CFAP96: variants seen among roughly 807,000 people sequenced by gnomAD.
CFAP96 encodes the protein cilia and flagella associated protein 96.
At chr4:185,445,263 C>A in the CFAP96 span, 1 of 827,008 alleles carries the variant, frequency 1.2e-6, no homozygotes, top group South Asian at 2.0e-5. Flanking sequence ...GACATCTCAG[C>A]TCCTTCCATG....
At chr4:185,424,727 T>C in the CFAP96 span, among the ~76,000 whole-genome samples, 7 of 152,214 alleles carry the variant, frequency 4.6e-5, no homozygotes, top group Non-Finnish European at 1.0e-4. Flanking sequence ...ATACTGAAGA[T>C]AAAAGTTAGA....
chr4:185,420,330 ACATT>A, the CFAP96 span, among the ~76,000 whole-genome samples: 1 of 152,212 alleles, frequency 6.6e-6, no homozygotes. Flanking sequence ...AATATTTGAC[ACATT>A]CAATTTGGAA....
the CFAP96 span, among the ~76,000 whole-genome samples, chr4:185,419,898 G>T: frequency 6.6e-6 from 1 of 152,172 alleles, no homozygotes; most frequent in African/African-American, 2.4e-5. Flanking sequence ...GTTTCTGTGT[G>T]GATGTGTTTT....
chr4:185,417,969 G>C, the CFAP96 span, among the ~76,000 whole-genome samples: 1 of 151,514 alleles, frequency 6.6e-6, no homozygotes, highest in Non-Finnish European at 1.5e-5. Flanking sequence ...ACTTGAACCC[G>C]GGAGGCGGAA....
At chr4:185,415,238 A>C in the CFAP96 span, 1 of 1,604,672 alleles carries the variant, frequency 6.2e-7, no homozygotes, top group Non-Finnish European at 8.5e-7. Context: ...GGTAATAAAA[A>C]GTGCAGTGGT....
the CFAP96 span, chr4:185,445,184 T>C: frequency 4.3e-6 from 6 of 1,386,790 alleles, no homozygotes; most frequent in Middle Eastern, 3.6e-4. Flanking sequence ...TTTCCAACTT[T>C]TATACTTCTT....
chr4:185,409,535 A>G, the CFAP96 span, among the ~76,000 whole-genome samples: 1 of 152,248 alleles, frequency 6.6e-6, no homozygotes, highest in African/African-American at 2.4e-5. Flanking sequence ...GGAGATAGGG[A>G]CAAGATAGAA....
chr4:185,436,364 A>G, the CFAP96 span: 44 of 1,534,176 alleles, frequency 2.9e-5, no homozygotes, highest in Admixed American at 5.9e-5. Context: ...TATAAGGTAA[A>G]AAATCTGTTT....
At chr4:185,433,683 C>T in the CFAP96 span, among the ~76,000 whole-genome samples, 5 of 152,200 alleles carry the variant, frequency 3.3e-5, no homozygotes, top group African/African-American at 9.6e-5. Flanking sequence ...GGGCGGATCA[C>T]CTGAGGTCAG....
At chr4:185,409,204 T>G in the CFAP96 span, among the ~76,000 whole-genome samples, 1 of 152,138 alleles carries the variant, frequency 6.6e-6, no homozygotes. Flanking sequence ...GTGTCTAAAT[T>G]TATAAACCTG....
the CFAP96 span, among the ~76,000 whole-genome samples, chr4:185,422,791 T>TGTTCTATAC: frequency 4.6e-5 from 7 of 152,334 alleles, no homozygotes; most frequent in East Asian, 7.7e-4. Context: ...CCTGGGGAGC[T>TGTTCTATAC]TGAAATACTG....
At chr4:185,408,459 TA>T in the CFAP96 span, 1 of 1,604,576 alleles carries the variant, frequency 6.2e-7, no homozygotes, top group Non-Finnish European at 8.5e-7. Flanking sequence ...AGAAACACAG[TA>T]AAATATTAAC....
chr4:185,413,401 A>C, the CFAP96 span, among the ~76,000 whole-genome samples: 6 of 152,088 alleles, frequency 3.9e-5, no homozygotes, highest in Non-Finnish European at 5.9e-5. Context: ...AAAACAAAAA[A>C]AGATTTATCC....
At chr4:185,421,745 C>A in the CFAP96 span, among the ~76,000 whole-genome samples, 2 of 152,134 alleles carry the variant, frequency 1.3e-5, no homozygotes, top group African/African-American at 4.8e-5. Flanking sequence ...CTTTTAATTC[C>A]TGATCTTTCT....
At chr4:185,417,630 C>T in the CFAP96 span, among the ~76,000 whole-genome samples, 1 of 152,226 alleles carries the variant, frequency 6.6e-6, no homozygotes, top group Non-Finnish European at 1.5e-5. Context: ...AGCCTGGAAA[C>T]ACTGTCGTCA....
chr4:185,425,876 A>ACACGGCAGC, the CFAP96 span: 1 of 1,602,754 alleles, frequency 6.2e-7, no homozygotes, highest in South Asian at 1.1e-5. Context: ...CATGTCCGCG[A>ACACGGCAGC]CGTGGCGGTG....
At chr4:185,408,535 T>C in the CFAP96 span, 1 of 1,235,308 alleles carries the variant, frequency 8.1e-7, no homozygotes, top group Non-Finnish European at 1.1e-6. Flanking sequence ...AGAGTTAGAC[T>C]GTTACTTTAG....
At chr4:185,437,683 A>G in the CFAP96 span, among the ~76,000 whole-genome samples, 1 of 152,320 alleles carries the variant, frequency 6.6e-6, no homozygotes, top group Admixed American at 6.5e-5. Flanking sequence ...TACATACTAC[A>G]TAACTACATA....
At chr4:185,426,879 CAAAAAAAAAAAAAAAAAAAAAAAA>C in the CFAP96 span, among the ~76,000 whole-genome samples, 1 of 69,022 alleles carries the variant, frequency 1.4e-5, no homozygotes, top group African/African-American at 6.5e-5. Flanking sequence ...CTAAAAATAC[CAAAAAAAAAAAAAAAAAAAAAAAA>C]AAAAAAAAAA....
Sources: gnomAD v4.1 joint callset for allele counts (sites outside exome capture counted in the v4.1 genomes callset) on GRCh38, gnomAD v4.1.1 for gene constraint, MANE v1.5 for transcripts, NCBI Gene and HGNC (gene_info 2026-07-23, HGNC 2026-07-21) for gene names.